CMTM4: variants seen among roughly 807,000 people sequenced by gnomAD.
The protein encoded by CMTM4 is CKLF-like MARVEL transmembrane domain-containing protein 4.
In CMTM4, 8 loss-of-function variants were observed where a neutral mutation model predicts 19.0. The ratio of observed to expected loss-of-function variants is 0.42; its 90% CI spans 0.25 to 0.76. The LOEUF (loss-of-function observed/expected upper bound fraction) is 0.76, where lower values mean the gene tolerates loss of function less well. Among genes scored for constraint, CMTM4 ranks in the 30% least tolerant of loss-of-function variants. The pLI is 0.27. For synonymous variants in CMTM4, 106 were observed against 121.1 expected (o/e 0.88, Z 0.82); for missense variants, 228 against 290.2 (o/e 0.79, Z 1.56).
intron 2 of CMTM4, among the ~76,000 whole-genome samples, chr16:66,633,746 A>T (rs2015928969): frequency 6.7e-6 from 1 of 149,886 alleles, no homozygotes; most frequent in African/African-American, 2.5e-5. Flanking sequence ...TGAACCCGGG[A>T]GGCAAAGGTT....
At chr16:66,633,740 C>A (rs2015928760) in intron 2 of CMTM4, among the ~76,000 whole-genome samples, 1 of 151,802 alleles carries the variant, frequency 6.6e-6, no homozygotes, top group African/African-American at 2.4e-5. Context: ...ATCACTTGAA[C>A]CCGGGAGGCA....
chr16:66,673,123 A>C (rs1596953229), intron 1 of CMTM4, among the ~76,000 whole-genome samples: 1 of 104,908 alleles, frequency 9.5e-6, no homozygotes, highest in Non-Finnish European at 1.8e-5. Flanking sequence ...ACGGAGTTTC[A>C]CATGTTGGCC....
chr16:66,605,745 A>T, the CMTM4 span, among the ~76,000 whole-genome samples: 1 of 152,146 alleles, frequency 6.6e-6, no homozygotes. This position sits in a 1 kb window ranked among gnomAD's most constrained non-coding sequence, Gnocchi z 4.6. Context: ...GCCTGATTTG[A>T]CAGGTGGCTC....
At chr16:66,642,748 T>C (rs1432739906) in intron 1 of CMTM4, among the ~76,000 whole-genome samples, 2 of 151,968 alleles carry the variant, frequency 1.3e-5, no homozygotes, top group Admixed American at 6.6e-5. Flanking sequence ...AAAACCAGAA[T>C]TGATATTAAC....
intron 1 of CMTM4, among the ~76,000 whole-genome samples, chr16:66,638,365 T>C (rs2016036251): frequency 6.6e-6 from 1 of 152,260 alleles, no homozygotes; most frequent in South Asian, 2.1e-4. Flanking sequence ...AGAGTGGTTC[T>C]GCCTTTCCCA....
At chr16:66,647,716 TA>T (rs201544431) in intron 1 of CMTM4, among the ~76,000 whole-genome samples, 2 of 151,090 alleles carry the variant, frequency 1.3e-5, no homozygotes, top group Non-Finnish European at 3.0e-5. Context: ...TTTCTTTTTT[TA>T]AAAAAAAATG....
intron 1 of CMTM4, among the ~76,000 whole-genome samples, chr16:66,667,610 C>T (rs886679311): frequency 6.6e-5 from 10 of 152,080 alleles, no homozygotes; most frequent in Admixed American, 1.3e-4. Context: ...GAAAAAAGGG[C>T]CGAGTGCGGT....
intron 1 of CMTM4, among the ~76,000 whole-genome samples, chr16:66,671,608 A>G (rs1053586501): frequency 6.6e-6 from 1 of 152,140 alleles, no homozygotes; most frequent in Non-Finnish European, 1.5e-5. Context: ...TTGCTTACAC[A>G]GCTTGTCATG....
At chr16:66,667,239 C>T (rs9922921) in intron 1 of CMTM4, among the ~76,000 whole-genome samples, 102 of 152,034 alleles carry the variant, frequency 6.7e-4, no homozygotes, top group African/African-American at 2.3e-3. Context: ...GAAGGAGAAT[C>T]GCTGGAACCT....
At chr16:66,677,381 C>T (rs984776108) in intron 1 of CMTM4, among the ~76,000 whole-genome samples, 8 of 152,242 alleles carry the variant, frequency 5.3e-5, no homozygotes, top group Non-Finnish European at 1.5e-5. Flanking sequence ...CATCTGTAGG[C>T]TGGGCAAACG....
At chr16:66,636,966 G>A (rs1294313542) in intron 1 of CMTM4, among the ~76,000 whole-genome samples, 1 of 152,110 alleles carries the variant, frequency 6.6e-6, no homozygotes, top group Non-Finnish European at 1.5e-5. Flanking sequence ...TCTAATTCAT[G>A]GTCTCTACCA....
chr16:66,670,903 C>T (rs559406944), intron 1 of CMTM4, among the ~76,000 whole-genome samples: 40 of 152,152 alleles, frequency 2.6e-4, no homozygotes, highest in African/African-American at 8.9e-4. Context: ...TACAAGTATG[C>T]GCATGGGAAC....
intron 1 of CMTM4, among the ~76,000 whole-genome samples, chr16:66,693,801 A>G (rs1359271993): frequency 2.0e-5 from 3 of 152,098 alleles, no homozygotes; most frequent in African/African-American, 4.8e-5. Flanking sequence ...CGGGCAGATG[A>G]CCTGAGCTCA....
At chr16:66,683,916 A>G (rs914844406) in intron 1 of CMTM4, among the ~76,000 whole-genome samples, 2 of 152,282 alleles carry the variant, frequency 1.3e-5, no homozygotes, top group South Asian at 2.1e-4. Flanking sequence ...TTAAAAAATA[A>G]AAATAGCTAA....
At chr16:66,661,099 TA>T (rs1270949066) in intron 1 of CMTM4, among the ~76,000 whole-genome samples, 1 of 152,224 alleles carries the variant, frequency 6.6e-6, no homozygotes, top group African/African-American at 2.4e-5. Flanking sequence ...CATGTCAGCC[TA>T]AAACATGGGC....
chr16:66,671,992 C>A (rs575105076), intron 1 of CMTM4, among the ~76,000 whole-genome samples: 1 of 152,166 alleles, frequency 6.6e-6, no homozygotes, highest in African/African-American at 2.4e-5. Flanking sequence ...CATGACTGCA[C>A]TCCAGCCTGG....
Position 66,686,982 on chromosome 16 carries a change from T to A in CMTM4, c.186+9358A>T, listed in dbSNP as rs373298226. On this transcript the variant is annotated intron_variant, in intron 1 of 3. Coordinates refer to ENST00000394106, the MANE Select transcript of CMTM4 (RefSeq NM_181521.3). ...AAAAAATTTCCAAGTCCTTTTCATTTGAGTCTGTCATAATACGATGATTAT... is the reference window on the plus strand; with the variant it reads ...AAAAAATTTCCAAGTCCTTTTCATTAGAGTCTGTCATAATACGATGATTAT... 1.2e-4 allele frequency among the ~76,000 whole-genome samples: 19 copies of A among 152,292 alleles called. 1 individual carries two copies. The highest frequency in any genetic ancestry group is 9.6e-4 in the East Asian group (5 of 5,188).
chr16:66,677,500 G>C (rs2016830241), intron 1 of CMTM4, among the ~76,000 whole-genome samples: 1 of 152,230 alleles, frequency 6.6e-6, no homozygotes, highest in African/African-American at 2.4e-5. Flanking sequence ...AAAGTGACTG[G>C]ACCAGAACCT....
chr16:66,662,552 C>G (rs2016517203), intron 1 of CMTM4, among the ~76,000 whole-genome samples: 1 of 151,988 alleles, frequency 6.6e-6, no homozygotes, highest in South Asian at 2.1e-4. Context: ...CCCAGACAAC[C>G]CTGAAGTGTC....
Sources: allele counts gnomAD v4.1 joint callset (sites outside exome capture counted in the v4.1 genomes callset), GRCh38; gene constraint gnomAD v4.1.1; non-coding constraint Gnocchi (gnomAD v3.1); transcripts MANE v1.5; gene names NCBI Gene and HGNC (gene_info 2026-07-23, HGNC 2026-07-21).